The following DPP6 variants were observed in gnomAD, a reference collection of about 807,000 sequenced individuals.
DPP6 encodes dipeptidyl peptidase like 6.
Under a neutral mutation model 122.6 loss-of-function variants are expected in DPP6, and 69 were observed. That is an observed-to-expected ratio of 0.56 (90% CI 0.46 to 0.69). The LOEUF (loss-of-function observed/expected upper bound fraction) is 0.69. Among genes scored for constraint, DPP6 ranks in the 30% least tolerant of loss-of-function variants. DPP6 has a pLI of 0.00. For synonymous variants in DPP6, 418 were observed against 433.1 expected, an observed-to-expected ratio of 0.97 and a Z score of 0.43; for missense variants, 928 against 1,116.9, an observed-to-expected ratio of 0.83 and a Z score of 2.41.
chr7:154,772,755 T>G, intron 9 of DPP6, 90 bp from the exon 10 acceptor site: 3 of 1,538,080 alleles, frequency 2.0e-6, no homozygotes, highest in Non-Finnish European at 1.8e-6. Flanking sequence ...GAGTCCCACC[T>G]CGGAATCTCC....
At chr7:154,882,299 C>T (rs1254101467) in intron 21 of DPP6, among the ~76,000 whole-genome samples, 1 of 152,224 alleles carries the variant, frequency 6.6e-6, no homozygotes, top group Non-Finnish European at 1.5e-5. Context: ...CTCAGCTCCG[C>T]CGAGGACATC....
chr7:153,908,913 C>T (rs139923737), intron 1 of DPP6, among the ~76,000 whole-genome samples: 2,504 of 152,034 alleles, frequency 0.016, 38 homozygotes, highest in Middle Eastern at 0.038. Flanking sequence ...GCCACCATGC[C>T]GGGCTAATTT....
intron 1 of DPP6, among the ~76,000 whole-genome samples, chr7:154,210,285 G>T (rs1799671870): frequency 6.6e-6 from 1 of 152,158 alleles, no homozygotes; most frequent in South Asian, 2.1e-4. Flanking sequence ...ATGTCCCGAG[G>T]TGTGTGAGGT....
Position 154,868,066 on chromosome 7 carries a change from T to C in DPP6, c.1786T>C (p.Tyr596His), listed in dbSNP as rs903443958. The C allele has an allele frequency of 1.9e-6, 3 of 1,608,446 alleles. No individual in the cohort carries two copies. The African/African-American group carries it at 4.0e-5, about 21-fold the overall frequency. Residue 596 changes from tyrosine to histidine, a missense_variant, in exon 18 of 26, where the codon TAC becomes CAC. Physicochemically the swap from Tyr to His is moderately conservative, Grantham distance 83 (BLOSUM62 2). Coordinates refer to ENST00000377770, the MANE Select transcript of DPP6 (RefSeq NM_130797.4). Reference sequence around the variant, plus strand: ...TGACCGACAGATGCCTAAAGTGGAATACAGGGACATTGAGATTGATGATTA... The same window carrying C: ...TGACCGACAGATGCCTAAAGTGGAACACAGGGACATTGAGATTGATGATTA... ...INDRQMPKVE[Y>H]RDIEIDDYNL... is the part of the protein sequence containing the mutation.
At chr7:154,196,300 G>A (rs1308357750) in intron 1 of DPP6, among the ~76,000 whole-genome samples, 1 of 152,162 alleles carries the variant, frequency 6.6e-6, no homozygotes, top group Admixed American at 6.5e-5. Context: ...GACCAGCCTG[G>A]CCAACATGGT....
chr7:153,911,466 A>G (rs1400190407), intron 1 of DPP6, among the ~76,000 whole-genome samples: 1 of 152,180 alleles, frequency 6.6e-6, no homozygotes, highest in Non-Finnish European at 1.5e-5. Context: ...CACTTTTTGT[A>G]TCCCTAGTAG....
In DPP6 at chr7:154,575,171, TG is replaced by T. The variant is rs1162083141; in HGVS notation, c.627+8262del. 7.4e-4 allele frequency among the ~76,000 whole-genome samples: 74 copies of T among 100,474 alleles called. 1 individual carries two copies. The highest frequency in any genetic ancestry group is 1.6e-3 in the African/African-American group (40 of 24,978). The allele number at this position is 100,474 out of a possible 152,430, so 65.9% of individuals were successfully genotyped here. On this transcript the variant is annotated intron_variant, in intron 5 of 25. Transcript: ENST00000377770. Reference sequence around the variant, plus strand: ...TGTGTGTGGTCTGTGTGTATGTGTGTGGGGGGGTATATGTGTGTGGTGTGTG... The same window carrying T: ...TGTGTGTGGTCTGTGTGTATGTGTGTGGGGGGTATATGTGTGTGGTGTGTG...
intron 1 of DPP6, among the ~76,000 whole-genome samples, chr7:154,132,343 G>A (rs1010124939): frequency 3.3e-5 from 5 of 152,118 alleles, no homozygotes; most frequent in African/African-American, 1.2e-4. Context: ...TAGAGTTATT[G>A]CCTAAGACCC....
chr7:153,965,158 G>A (rs915100712), intron 1 of DPP6, among the ~76,000 whole-genome samples: 8 of 151,720 alleles, frequency 5.3e-5, no homozygotes, highest in Non-Finnish European at 1.0e-4. Context: ...GTGTGTAACC[G>A]TGGCTCTTAT....
At chr7:154,313,714 T>TATATATATATATATGCAA (rs1177234778) in intron 1 of DPP6, among the ~76,000 whole-genome samples, 1 of 17,786 alleles carries the variant, frequency 5.6e-5, no homozygotes. Flanking sequence ...TATATATATA[T>TATATATATATATATGCAA]ACACACACAC....
intron 1 of DPP6, among the ~76,000 whole-genome samples, chr7:154,056,365 C>G (rs1800820037): frequency 6.6e-6 from 1 of 152,138 alleles, no homozygotes; most frequent in African/African-American, 2.4e-5. Context: ...AATAAGTTGA[C>G]TCTTAAAGGA....
chr7:153,989,766 C>T (rs1477660833), intron 1 of DPP6, among the ~76,000 whole-genome samples: 1 of 151,910 alleles, frequency 6.6e-6, no homozygotes, highest in East Asian at 1.9e-4. Context: ...GCGAGGTTTG[C>T]CACGTGTTAT....
chr7:154,386,258 T>C (rs755566137), intron 1 of DPP6, among the ~76,000 whole-genome samples: 5 of 152,174 alleles, frequency 3.3e-5, no homozygotes, highest in Non-Finnish European at 5.9e-5. Context: ...TGCCCCCATA[T>C]TGACCAGGAG....
At chr7:154,651,582 C>T (rs1000824402) in intron 6 of DPP6, among the ~76,000 whole-genome samples, 2 of 152,072 alleles carry the variant, frequency 1.3e-5, no homozygotes, top group African/African-American at 4.8e-5. Flanking sequence ...GCCGCGGGGC[C>T]CTAATTGTGT....
chr7:154,262,758 A>G (rs1803118596), intron 1 of DPP6, among the ~76,000 whole-genome samples: 2 of 152,050 alleles, frequency 1.3e-5, no homozygotes, highest in Non-Finnish European at 2.9e-5. Flanking sequence ...TTTGTAGGCA[A>G]TAATGCAGCT....
intron 7 of DPP6, among the ~76,000 whole-genome samples, chr7:154,718,054 T>C (rs1023919675): frequency 6.6e-6 from 1 of 152,258 alleles, no homozygotes; most frequent in Non-Finnish European, 1.5e-5. Context: ...TGTCTTCTTT[T>C]GGAAAATGTC....
At chr7:153,824,161 G>A in the DPP6 span, among the ~76,000 whole-genome samples, 28 of 152,132 alleles carry the variant, frequency 1.8e-4, no homozygotes, top group African/African-American at 6.5e-4. Context: ...GGCCTAGGCG[G>A]GTGGATCACT....
At chr7:153,913,707 C>G (rs1274389173) in intron 1 of DPP6, among the ~76,000 whole-genome samples, 2 of 151,944 alleles carry the variant, frequency 1.3e-5, no homozygotes, top group African/African-American at 4.8e-5. Flanking sequence ...TTTTTCAGAC[C>G]TTAGAAACAT....
chr7:153,998,719 C>T lies in DPP6; in HGVS notation c.51+110985C>T, dbSNP rs1223920180. ...CTGTAAGTGACATCTACCCACTGCC[C>T]TTTATCCTCCTATTAAAGCTTTTGT... is the stretch of plus-strand genomic sequence containing the variant. On this transcript the variant is annotated intron_variant, in intron 1 of 25. Coordinates refer to the DPP6 transcript ENST00000404039. Among the ~76,000 whole-genome samples, 5 of 152,174 alleles carry T rather than the reference C, an allele frequency of 3.3e-5. No individual in the cohort carries two copies. The East Asian group carries it at 9.6e-4, about 29-fold the overall frequency.
Sources: allele counts gnomAD v4.1 joint callset (sites outside exome capture counted in the v4.1 genomes callset), GRCh38; gene constraint gnomAD v4.1.1; transcripts MANE v1.5; gene names NCBI Gene and HGNC (gene_info 2026-07-23, HGNC 2026-07-21).